Variants in MYO18B observed in about 807,000 individuals in gnomAD.
MYO18B encodes the protein myosin XVIIIB.
MYO18B carries 204 observed loss-of-function variants against 273.0 expected under a neutral mutation model. That is an observed-to-expected ratio of 0.75 (90% CI 0.67 to 0.84). The LOEUF is 0.84. Ranked by LOEUF, MYO18B falls within the 40% of genes least tolerant of loss-of-function variation. The pLI is 0.00. For synonymous variants in MYO18B, 1,330 were observed against 1,305.7 expected, an observed-to-expected ratio of 1.02 and a Z score of -0.40; for missense variants, 3,212 against 3,287.6, an observed-to-expected ratio of 0.98 and a Z score of 0.56.
rs1036527207 is a variant in MYO18B at position 25,901,990 on chromosome 22, T to A, written c.4824-623T>A. 2.0e-4 allele frequency among the ~76,000 whole-genome samples: 31 copies of A among 152,046 alleles called. 1 individual carries two copies. Among genetic ancestry groups the A allele is most frequent in the African/African-American group, 5.3e-4 (22 of 41,492 alleles). On this transcript the variant is annotated intron_variant, in intron 29 of 43. Transcript: ENST00000335473. ...ACGATGCCCAGGTAATTTTAAATTT[T>A]AAATTTTTAAAGTTTAAAAATTTTA... is the stretch of plus-strand genomic sequence containing the variant.
chr22:25,842,225 C>T (rs1436454394), intron 17 of MYO18B, among the ~76,000 whole-genome samples: 1 of 152,170 alleles, frequency 6.6e-6, no homozygotes, highest in African/African-American at 2.4e-5. Context: ...TGTTTCCTAG[C>T]TTACTGGAGT....
chr22:25,840,819 G>A lies in MYO18B; in HGVS notation c.3209-2916G>A, dbSNP rs779721197. 7.2e-5 allele frequency among the ~76,000 whole-genome samples: 11 copies of A among 152,118 alleles called. 1 individual carries two copies. The highest frequency in any genetic ancestry group is 1.3e-4 in the Non-Finnish European group (9 of 68,018). Reference sequence around the variant, plus strand: ...GTGGCCCCTCCCCTTTTATCCATGAGGTCTATGGTGTCAGTCCCAGATATC... The same window carrying A: ...GTGGCCCCTCCCCTTTTATCCATGAAGTCTATGGTGTCAGTCCCAGATATC... On this transcript the variant is annotated intron_variant, in intron 17 of 43. Coordinates refer to ENST00000335473, the MANE Select transcript of MYO18B (RefSeq NM_032608.7).
intron 24 of MYO18B, 146 bp from the exon 25 acceptor site, chr22:25,877,813 T>C (rs1403245725): frequency 1.6e-6 from 1 of 613,410 alleles, no homozygotes; most frequent in Non-Finnish European, 2.8e-6. Context: ...AGTGCACCAT[T>C]ATTTGTTATA....
chr22:26,034,800 A>T (rs1437226613), downstream of MYO18B, among the ~76,000 whole-genome samples: 1 of 152,204 alleles, frequency 6.6e-6, no homozygotes, highest in Non-Finnish European at 1.5e-5. Context: ...ACAGGTGGGG[A>T]AAATGAGTCT....
At chr22:26,053,737 G>A in the MYO18B span, among the ~76,000 whole-genome samples, 1 of 152,186 alleles carries the variant, frequency 6.6e-6, no homozygotes, top group Non-Finnish European at 1.5e-5. Context: ...GTGACATGGA[G>A]TTGAGGAAGT....
intron 33 of MYO18B, among the ~76,000 whole-genome samples, chr22:25,912,653 G>T (rs1297719315): frequency 6.6e-6 from 1 of 152,142 alleles, no homozygotes; most frequent in East Asian, 1.9e-4. Flanking sequence ...AGCACTCAGG[G>T]TTCACATAAA....
At chr22:25,935,212 C>T (rs2092561246) in intron 34 of MYO18B, among the ~76,000 whole-genome samples, 1 of 152,144 alleles carries the variant, frequency 6.6e-6, no homozygotes, top group Admixed American at 6.5e-5. Context: ...TTAAATGTGC[C>T]GCTTTGCCTT....
At chr22:25,948,432 TTCC>T (rs1569224837) in intron 36 of MYO18B, among the ~76,000 whole-genome samples, 47 of 129,368 alleles carry the variant, frequency 3.6e-4, no homozygotes, top group South Asian at 1.6e-3. Context: ...CCTTCCTTCC[TTCC>T]TTCCTTCCTT....
chr22:25,829,100 C>T (rs1449246381), intron 15 of MYO18B, 132 bp downstream of exon 15: 5 of 1,056,582 alleles, frequency 4.7e-6, no homozygotes, highest in Non-Finnish European at 6.7e-6. Context: ...GAACAAAGCC[C>T]TTTCCCCAGG....
At chr22:25,762,330 C>G (rs1018438883) in intron 2 of MYO18B, among the ~76,000 whole-genome samples, 10 of 152,236 alleles carry the variant, frequency 6.6e-5, no homozygotes, top group African/African-American at 2.4e-4. Context: ...CTACACACAG[C>G]AAGTCTTTAC....
rs571995560 is a variant in MYO18B, at chr22:25,915,356, A to G, written c.5364+4306A>G. On this transcript the variant is annotated intron_variant, in intron 33 of 43. Transcript: ENST00000335473. The stretch of plus-strand genomic sequence containing the variant: ...GGATAGCCTTCTACATGCCTAAGCT[A>G]TCTGATATAGTCTATTGCTCCTGGG... Among the ~76,000 whole-genome samples the G allele has an allele frequency of 3.3e-4, 50 of 152,340 alleles. No homozygotes were observed. In the South Asian group the frequency reaches 0.01, roughly 32 times the overall value.
At chr22:26,032,204 G>A (rs1309557905), downstream of MYO18B, among the ~76,000 whole-genome samples, 1 of 152,246 alleles carries the variant, frequency 6.6e-6, no homozygotes, top group South Asian at 2.1e-4. Flanking sequence ...GAAAGGGAAA[G>A]TATAGCATAC....
chr22:25,890,445 G>A (rs975287159), intron 25 of MYO18B, among the ~76,000 whole-genome samples: 1 of 152,198 alleles, frequency 6.6e-6, no homozygotes, highest in Admixed American at 6.5e-5. Flanking sequence ...CAGGCACCGT[G>A]CTAAGCTTTC....
intron 17 of MYO18B, among the ~76,000 whole-genome samples, chr22:25,836,075 G>A (rs138737097): frequency 6.6e-6 from 1 of 152,166 alleles, no homozygotes; most frequent in Non-Finnish European, 1.5e-5. Context: ...CTCTGGAAGT[G>A]TTTAGCAGGT....
intron 42 of MYO18B, chr22:26,006,566 C>A: frequency 5.2e-6 from 1 of 191,638 alleles, no homozygotes; most frequent in Non-Finnish European, 1.2e-5. Flanking sequence ...GTTTTTAGAA[C>A]AACAAGACAA....
At chr22:26,029,623 G>A (rs1936549193) in intron 43 of MYO18B, among the ~76,000 whole-genome samples, 1 of 152,092 alleles carries the variant, frequency 6.6e-6, no homozygotes, top group African/African-American at 2.4e-5. Context: ...TCCCTACCCT[G>A]AGCAAGGTTC....
At position 25,962,383 on chromosome 22, in the gene MYO18B, A is replaced by G. The variant is rs372424478; in HGVS notation, c.6156+7019A>G. On this transcript the variant is annotated intron_variant, in intron 39 of 43. Transcript: ENST00000335473. ...ACTTGACTCGGGCTGCAACCTCCAT[A>G]TCAGAGTCAGGTATAGGGTAGATGC... 7.2e-5 allele frequency among the ~76,000 whole-genome samples: 11 copies of G among 152,334 alleles called. No individual in the cohort carries two copies. The East Asian group carries it at 7.7e-4, about 11-fold the overall frequency.
intron 29 of MYO18B, 58 bp downstream of exon 29, chr22:25,898,519 C>T (rs1313412647): frequency 2.2e-5 from 35 of 1,580,858 alleles, no homozygotes; most frequent in Non-Finnish European, 2.8e-5. Flanking sequence ...TTGGAGCTGG[C>T]GTTTTCTGGG....
chr22:25,860,615 C>T (rs947882619), intron 21 of MYO18B, among the ~76,000 whole-genome samples: 17 of 152,076 alleles, frequency 1.1e-4, no homozygotes, highest in Non-Finnish European at 2.2e-4. Context: ...GTATTAATTT[C>T]TACATATTTG....
Sources: gnomAD v4.1 joint callset for allele counts (sites outside exome capture counted in the v4.1 genomes callset) on GRCh38, gnomAD v4.1.1 for gene constraint, MANE v1.5 for transcripts, NCBI Gene and HGNC (gene_info 2026-07-23, HGNC 2026-07-21) for gene names.